The following RGMA variants were observed in gnomAD, a reference collection of about 807,000 sequenced individuals.
RGMA encodes the protein repulsive guidance molecule A.
In RGMA, 10 loss-of-function variants were observed where a neutral mutation model predicts 23.2. That is an observed-to-expected ratio of 0.43 (90% CI 0.27 to 0.73). The LOEUF (loss-of-function observed/expected upper bound fraction) is 0.73. RGMA is among the 30% of genes least tolerant of loss of function. The probability of loss-of-function intolerance (pLI) is 0.20; values close to 1 mark genes in which losing one functional copy is unlikely to be tolerated. For synonymous variants in RGMA, 308 were observed against 279.3 expected (o/e 1.10, Z -1.03); for missense variants, 547 against 630.5 (o/e 0.87, Z 1.42).
In RGMA at chr15:93,040,949, A is replaced by G. The variant is rs2054716089; in HGVS notation, c.*4049T>C. 1 of 152,100 alleles carries G rather than the reference A, an allele frequency of 6.6e-6. No homozygotes were observed. Among genetic ancestry groups the G allele is most frequent in the East Asian group, 1.9e-4 (1 of 5,174 alleles). 9.4% of individuals were successfully genotyped at this position (152,100 alleles called of 1,614,324 possible). A position where few individuals can be genotyped will look rare whatever the true frequency, so the allele number is the denominator to read the frequency against. On this transcript the variant is annotated 3_prime_UTR_variant, in exon 4 of 4. Transcript: ENST00000329082. ...CACAAATCCATTTTACAAATAAGGAATCTAAGGCTCAAAAAATCCCAAGGA... is the reference window on the plus strand; with the variant it reads ...CACAAATCCATTTTACAAATAAGGAGTCTAAGGCTCAAAAAATCCCAAGGA...
rs563514144 is a variant in RGMA at position 93,052,514 on chromosome 15, A to G, written c.131-7T>C. The G allele has an allele frequency of 1.2e-5, 18 of 1,562,240 alleles. No individual in the cohort carries two copies. In the South Asian group the frequency reaches 1.7e-4, roughly 15 times the overall value. ...ATCTTGCACGGGGAGGTGGCTGAGG[A>G]GAAAGGAACGAACACACCGTCGGGG... On this transcript the variant is annotated splice_region_variant and splice_polypyrimidine_tract_variant and intron_variant, in intron 2 of 3. Transcript: ENST00000329082.
Position 93,052,136 on chromosome 15 carries a change from C to T in RGMA, c.502G>A (p.Asp168Asn). The T allele has an allele frequency of 1.2e-6, 2 of 1,613,918 alleles. No individual in the cohort carries two copies. Among genetic ancestry groups the T allele is most frequent in the Non-Finnish European group, 1.7e-6 (2 of 1,179,870 alleles). The change falls in exon 3 of 4, where the codon GAC becomes AAC. Residue 168 changes from aspartate to asparagine, a missense_variant. This residue lies in a region of RGMA where 128 missense variants were observed against 191.7 expected (regional missense o/e 0.67). Transcript: ENST00000329082. ...PNYTHCGLFG[D>N]PHLRTFTDRF... is the part of the protein sequence containing the mutation. ...TCGGTGAAAGTCCTGAGGTGTGGGT[C>T]CCCGAAGAGGCCACAGTGCGTGTAG... is the stretch of plus-strand genomic sequence containing the variant.
chr15:93,051,096 A>G (rs533376698), intron 3 of RGMA, among the ~76,000 whole-genome samples: 1 of 152,220 alleles, frequency 6.6e-6, no homozygotes, highest in African/African-American at 2.4e-5. Context: ...AGACCTGCTT[A>G]TTTCCCGCCC....
chr15:93,054,703 A>G (rs1444836954), intron 2 of RGMA, among the ~76,000 whole-genome samples: 1 of 152,188 alleles, frequency 6.6e-6, no homozygotes, highest in Admixed American at 6.5e-5. Flanking sequence ...AAACAGACTA[A>G]TACACCACCG....
At chr15:93,085,220 G>A (rs1895618560) in intron 1 of RGMA, among the ~76,000 whole-genome samples, 1 of 152,042 alleles carries the variant, frequency 6.6e-6, no homozygotes, top group Non-Finnish European at 1.5e-5. Context: ...AGTCCATGAA[G>A]ATGAAAAAAT....
chr15:93,065,963 GC>G (rs1895132725), intron 2 of RGMA: 1 of 922,776 alleles, frequency 1.1e-6, no homozygotes, highest in Admixed American at 2.0e-5. Flanking sequence ...GGTGGGGGGC[GC>G]CGTCGTCTGG....
chr15:93,072,210 C>T (rs938556002), intron 2 of RGMA, among the ~76,000 whole-genome samples: 2 of 152,098 alleles, frequency 1.3e-5, no homozygotes, highest in African/African-American at 4.8e-5. Flanking sequence ...ACAAGAGGTC[C>T]GGGCTCGGAG....
At position 93,088,981 on chromosome 15, in the gene RGMA, G is replaced by T. The variant is rs747430997; in HGVS notation, c.-49C>A. On this transcript the variant is annotated 5_prime_UTR_variant, in exon 1 of 4. Coordinates refer to ENST00000329082, the MANE Select transcript of RGMA (RefSeq NM_020211.3). ...TGGCGCTGGCGGGGCTGCGGGAGAA[G>T]AGGGGGTGTCGGGGCGCCGCTCGTC... The T allele has an allele frequency of 1.2e-5, 16 of 1,310,848 alleles. No individual in the cohort carries two copies. In the East Asian group the frequency reaches 2.8e-4, roughly 23 times the overall value. 81.2% of individuals were successfully genotyped at this position (1,310,848 alleles called of 1,614,324 possible).
rs2054756773 is a variant in RGMA at position 93,043,460 on chromosome 15, A to T, written c.*1538T>A. The T allele has an allele frequency of 6.6e-6, 1 of 152,536 alleles. No individual in the cohort carries two copies. Among genetic ancestry groups the T allele is most frequent in the Non-Finnish European group, 1.5e-5 (1 of 68,042 alleles). The allele number at this position is 152,536 out of a possible 1,614,324, so 9.4% of individuals were successfully genotyped here. ...TACTTGCATTTAGCCATTAATAAAT[A>T]ATTTACAGTATGTACACGCGGTGAC... On this transcript the variant is annotated 3_prime_UTR_variant, in exon 4 of 4. Transcript: ENST00000329082.
At chr15:93,073,734 C>T (rs373211755) in intron 1 of RGMA, 14 of 1,537,100 alleles carry the variant, frequency 9.1e-6, no homozygotes, top group Non-Finnish European at 1.1e-5. Flanking sequence ...GGTTCCCGCC[C>T]GTCGTGGCCC....
Position 93,087,480 on chromosome 15 carries a change from A to AAC in RGMA, c.14+1438_14+1439insGT, listed in dbSNP as rs1555451781. ...TTGTATGTGCAAAAAAAAAAAAAAA[A>AAC]AAAACCACAAAACCCAGTTTGGGTA... On this transcript the variant is annotated intron_variant, in intron 1 of 3. Transcript: ENST00000329082. 6.1e-3 allele frequency among the ~76,000 whole-genome samples: 926 copies of AAC among 151,006 alleles called. 7 individuals are homozygous for AAC. Among genetic ancestry groups the AAC allele is most frequent in the African/African-American group, 0.021 (881 of 41,008 alleles).
intron 1 of RGMA, among the ~76,000 whole-genome samples, chr15:93,077,078 G>A (rs1006411984): frequency 6.6e-6 from 1 of 152,194 alleles, no homozygotes; most frequent in African/African-American, 2.4e-5. Flanking sequence ...CCAGGCAGAA[G>A]GAACACCCAG....
In RGMA at chr15:93,052,246, G is replaced by A. The variant is rs776144797; in HGVS notation, c.392C>T (p.Pro131Leu). 38 of 1,606,140 alleles carry A rather than the reference G, an allele frequency of 2.4e-5. No individual in the cohort carries two copies. The highest frequency in any genetic ancestry group is 3.3e-5 in the Admixed American group (2 of 59,900). ...CGAGCGCTCCTGGCTGTCTCCGGCC[G>A]GTGGGAGCGTGCGCAGGCGTGGCTG... ...TSQPRLRTLP[P>L]AGDSQERSDS... The change falls in exon 3 of 4, where the codon CCG becomes CTG. Residue 131 changes from proline (P) to leucine (L), a missense_variant. Pro to Leu is a moderately conservative substitution (Grantham distance 98). Coordinates refer to ENST00000329082, the MANE Select transcript of RGMA (RefSeq NM_020211.3).
intron 2 of RGMA, among the ~76,000 whole-genome samples, chr15:93,064,157 A>C (rs1486268105): frequency 7.2e-6 from 1 of 138,808 alleles, no homozygotes; most frequent in Non-Finnish European, 1.6e-5. Context: ...CAAGGCCACA[A>C]GCAGCTTCAG....
intron 2 of RGMA, among the ~76,000 whole-genome samples, chr15:93,063,626 A>T (rs1007510200): frequency 2.0e-5 from 3 of 152,172 alleles, no homozygotes. Flanking sequence ...GGTGCAGCAG[A>T]CCCTACCTTT....
intron 2 of RGMA, among the ~76,000 whole-genome samples, chr15:93,055,896 A>G (rs1229755855): frequency 6.6e-6 from 1 of 152,178 alleles, no homozygotes; most frequent in Non-Finnish European, 1.5e-5. Flanking sequence ...ACAGCCTTCA[A>G]AACTGTTCTC....
chr15:93,053,191 G>C (rs898666182), intron 2 of RGMA, among the ~76,000 whole-genome samples: 10 of 152,218 alleles, frequency 6.6e-5, no homozygotes, highest in African/African-American at 2.4e-4. Flanking sequence ...AGAAGCAACT[G>C]AGAGTAGTAA....
chr15:93,046,542 T>G (rs575358929), intron 3 of RGMA, among the ~76,000 whole-genome samples: 6 of 152,276 alleles, frequency 3.9e-5, no homozygotes, highest in African/African-American at 1.4e-4. Context: ...TCTTGCATAA[T>G]GACAGTGGTA....
chr15:93,050,233 A>C (rs1443598629), intron 3 of RGMA, among the ~76,000 whole-genome samples: 1 of 152,220 alleles, frequency 6.6e-6, no homozygotes, highest in Non-Finnish European at 1.5e-5. Flanking sequence ...GCTGGCACAG[A>C]TGCAACGTCT....
Sources: gnomAD v4.1 joint callset for allele counts (sites outside exome capture counted in the v4.1 genomes callset) on GRCh38, gnomAD v4.1.1 for gene constraint, gnomAD v4.1.1 regional missense constraint, MANE v1.5 for transcripts, NCBI Gene and HGNC (gene_info 2026-07-23, HGNC 2026-07-21) for gene names.